The following SKP1 variants were observed in gnomAD, a reference collection of about 807,000 sequenced individuals.
The protein encoded by SKP1 is S-phase kinase associated protein 1, also known as S-phase kinase-associated protein 1.
SKP1 carries 1 observed loss-of-function variant against 21.5 expected under a neutral mutation model. The observed-to-expected ratio is 0.05, with a 90% CI of 0.02 to 0.22. The LOEUF (loss-of-function observed/expected upper bound fraction) is 0.22, where lower values mean the gene tolerates loss of function less well. Among genes scored for constraint, SKP1 ranks in the 10% least tolerant of loss-of-function variants. SKP1 has a pLI of 1.00. For missense variants in SKP1, 70 were observed against 192.0 expected (o/e 0.36, Z 3.76); for synonymous variants, 59 against 59.3 (o/e 0.99, Z 0.03).
Position 134,169,732 on chromosome 5 carries a change from C to T in SKP1, c.98-2489G>A, listed in dbSNP as rs540359921. 1.2e-3 allele frequency among the ~76,000 whole-genome samples: 178 copies of T among 151,854 alleles called. 1 individual carries two copies. The highest frequency in any genetic ancestry group is 4.1e-3 in the African/African-American group (169 of 41,432). ...ATACAAAAAAATTGGCCAGGCATGG[C>T]GGCTCACGCCTGTAATCCCAGCACT... On this transcript the variant is annotated intron_variant, in intron 2 of 5. Coordinates refer to ENST00000353411, the MANE Select transcript of SKP1 (RefSeq NM_170679.3).
At position 134,154,074 on chromosome 5, in the gene SKP1, G is replaced by A. The variant is rs1761083858; in HGVS notation, c.*3659C>T. On this transcript the variant is annotated 3_prime_UTR_variant, in exon 6 of 6. Transcript: ENST00000353411. ...GAGAAAATATAAGAACTGTAAAGCAGTATCTATTTTGTATACCAAGAATAG... is the reference window on the plus strand; with the variant it reads ...GAGAAAATATAAGAACTGTAAAGCAATATCTATTTTGTATACCAAGAATAG... 2.0e-5 allele frequency: 3 copies of A among 152,202 alleles called. No homozygotes were observed. Among genetic ancestry groups the A allele is most frequent in the Non-Finnish European group, 2.9e-5 (2 of 68,046 alleles). 9.4% of individuals were successfully genotyped at this position (152,202 alleles called of 1,614,324 possible). A position where few individuals can be genotyped will look rare whatever the true frequency, so the allele number is the denominator to read the frequency against.
intron 3 of SKP1, 51 bp from the exon 4 acceptor site, chr5:134,161,181 ATTCCAC>A: frequency 1.3e-6 from 2 of 1,495,788 alleles, no homozygotes; most frequent in Admixed American, 4.0e-5. Context: ...CAAGGTACTC[ATTCCAC>A]TGCTGGGACA....
chr5:134,154,439 C>A lies in SKP1; in HGVS notation c.*3294G>T. 9.1e-6 allele frequency: 1 copy of A among 109,560 alleles called. No individual in the cohort carries two copies. 6.8% of individuals were successfully genotyped at this position (109,560 alleles called of 1,614,324 possible). On this transcript the variant is annotated 3_prime_UTR_variant, in exon 6 of 6. Transcript: ENST00000353411. ...TTCCAGTCTGGGCGACAGAGTGAGA[C>A]TCTGTCTCAAAAAAAAAAAAAAAAA...
At position 134,152,391 on chromosome 5, in the gene SKP1, G is replaced by C. The variant is rs1483746116; in HGVS notation, c.*5342C>G. 6.6e-6 allele frequency: 1 copy of C among 152,160 alleles called. No individual in the cohort carries two copies. Among genetic ancestry groups the C allele is most frequent in the Non-Finnish European group, 1.5e-5 (1 of 68,052 alleles). 9.4% of individuals were successfully genotyped at this position (152,160 alleles called of 1,614,324 possible). A position where few individuals can be genotyped will look rare whatever the true frequency, so the allele number is the denominator to read the frequency against. On this transcript the variant is annotated 3_prime_UTR_variant, in exon 6 of 6. Transcript: ENST00000353411. ...AACCTTCTGCTGTTAGTTCCTGACT[G>C]TGCACTGCTTTTTCCTCACTTTGGC... is the stretch of plus-strand genomic sequence containing the variant.
chr5:134,158,384 T>C (rs1761157374), intron 5 of SKP1, 71 bp downstream of exon 5: 5 of 1,612,168 alleles, frequency 3.1e-6, no homozygotes, highest in Middle Eastern at 1.7e-4. Flanking sequence ...TCACCTCTTT[T>C]GCTGGCATGT....
chr5:134,167,540 T>C (rs1048502823), intron 2 of SKP1, among the ~76,000 whole-genome samples: 14 of 152,012 alleles, frequency 9.2e-5, no homozygotes, highest in African/African-American at 2.9e-4. Context: ...TTTTTTTTTT[T>C]GAGACAGATT....
rs1254230528 is a variant in SKP1 at position 134,153,762 on chromosome 5, G to C, written c.*3971C>G. 6.6e-6 allele frequency: 1 copy of C among 152,128 alleles called. No homozygotes were observed. The highest frequency in any genetic ancestry group is 1.5e-5 in the Non-Finnish European group (1 of 68,018). The allele number at this position is 152,128 out of a possible 1,614,324, so 9.4% of individuals were successfully genotyped here. ...GGATCAGAACACAGCCCATAGGATT[G>C]GTCAATTTTTACGTAAACTGAAAAA... On this transcript the variant is annotated 3_prime_UTR_variant, in exon 6 of 6. Transcript: ENST00000353411.
intron 2 of SKP1, among the ~76,000 whole-genome samples, chr5:134,169,867 G>A (rs913002402): frequency 6.6e-6 from 1 of 152,210 alleles, no homozygotes; most frequent in African/African-American, 2.4e-5. Context: ...CGGGTGTGGT[G>A]GCGCATGCCT....
chr5:134,167,363 T>A, intron 2 of SKP1, 120 bp from the exon 3 acceptor site: 1 of 673,420 alleles, frequency 1.5e-6, no homozygotes, highest in Non-Finnish European at 2.7e-6. Context: ...ATCTGTGGAT[T>A]CAACCAACCA....
chr5:134,167,093 G>A, intron 3 of SKP1, 77 bp downstream of exon 3: 2 of 721,252 alleles, frequency 2.8e-6, no homozygotes, highest in Non-Finnish European at 2.4e-6. Flanking sequence ...TTCTAACATA[G>A]ATTGTTGAAT....
chr5:134,176,677 G>A (rs62379397), intron 1 of SKP1, 178 bp downstream of exon 1: 1,558 of 152,560 alleles, frequency 0.01, 16 homozygotes, highest in Non-Finnish European at 0.014. Flanking sequence ...CGGGGCAGGT[G>A]AACGGAACCT....
At chr5:134,163,818 C>T (rs192921498) in intron 3 of SKP1, among the ~76,000 whole-genome samples, 1 of 151,968 alleles carries the variant, frequency 6.6e-6, no homozygotes, top group African/African-American at 2.4e-5. Context: ...AACAAAAAAA[C>T]CCCAAAAACC....
At chr5:134,171,223 G>C (rs1402242331) in intron 2 of SKP1, among the ~76,000 whole-genome samples, 1 of 152,152 alleles carries the variant, frequency 6.6e-6, no homozygotes, top group Non-Finnish European at 1.5e-5. Flanking sequence ...TTCAGCTTCT[G>C]CCTCTACCAC....
intron 1 of SKP1, among the ~76,000 whole-genome samples, chr5:134,174,224 TAAC>T (rs1354776890): frequency 2.0e-5 from 3 of 152,202 alleles, no homozygotes; most frequent in Non-Finnish European, 4.4e-5. Context: ...TTTCAAAGTA[TAAC>T]TACTAGGAAC....
In SKP1 at chr5:134,161,338, GCAGA is replaced by G. The variant is rs1761214911; in HGVS notation, c.172-212_172-209del. 13 of 469,260 alleles carry G rather than the reference GCAGA, an allele frequency of 2.8e-5. No homozygotes were observed. In the South Asian group the frequency reaches 5.0e-4, roughly 18 times the overall value. 29.1% of individuals were successfully genotyped at this position (469,260 alleles called of 1,614,324 possible). A position where few individuals can be genotyped will look rare whatever the true frequency, so the allele number is the denominator to read the frequency against. ...ATCTTATTAGATAAAAGCAAGCCATGCAGACAGAGTACTGTACTTGACTACATTA... is the reference window on the plus strand; with the variant it reads ...ATCTTATTAGATAAAAGCAAGCCATGCAGAGTACTGTACTTGACTACATTA... On this transcript the variant is annotated intron_variant, in intron 3 of 5. Coordinates refer to ENST00000353411, the MANE Select transcript of SKP1 (RefSeq NM_170679.3).
chr5:134,153,562 A>T lies in SKP1; in HGVS notation c.*4171T>A, dbSNP rs770006195. On this transcript the variant is annotated 3_prime_UTR_variant, in exon 6 of 6. Coordinates refer to ENST00000353411, the MANE Select transcript of SKP1 (RefSeq NM_170679.3). ...TAGTCCTGCTCTGCAAGGAGCAGTT[A>T]AAAAAAATCTTCAAAAGCTAATGGT... is the stretch of plus-strand genomic sequence containing the variant. 6.6e-6 allele frequency: 1 copy of T among 151,974 alleles called. No homozygotes were observed. The highest frequency in any genetic ancestry group is 2.4e-5 in the African/African-American group (1 of 41,334). 9.4% of individuals were successfully genotyped at this position (151,974 alleles called of 1,614,324 possible). A position where few individuals can be genotyped will look rare whatever the true frequency, so the allele number is the denominator to read the frequency against.
rs150955137 is a variant in SKP1 at position 134,162,466 on chromosome 5, C to T, written c.172-1336G>A. 3.9e-3 allele frequency among the ~76,000 whole-genome samples: 595 copies of T among 152,250 alleles called. 7 individuals carry two copies. The highest frequency in any genetic ancestry group is 0.013 in the African/African-American group (551 of 41,534). On this transcript the variant is annotated intron_variant, in intron 3 of 5. Coordinates refer to ENST00000353411, the MANE Select transcript of SKP1 (RefSeq NM_170679.3). ...TGTTGCCCAGGCTGGAGTGCAATGG[C>T]GCTATCTTGGCTCACTGCAACCTCC...
chr5:134,158,314 G>C, intron 5 of SKP1, 141 bp downstream of exon 5: 2 of 1,544,458 alleles, frequency 1.3e-6, no homozygotes, highest in Non-Finnish European at 1.7e-6. Context: ...AACAGTAAGA[G>C]TATGTTTAAG....
At position 134,151,599 on chromosome 5, in the gene SKP1, T is replaced by A. The variant is rs908631708; in HGVS notation, c.*6134A>T. 1 of 449,944 alleles carries A rather than the reference T, an allele frequency of 2.2e-6. No individual in the cohort carries two copies. The highest frequency in any genetic ancestry group is 4.5e-6 in the Non-Finnish European group (1 of 223,390). The allele number at this position is 449,944 out of a possible 1,614,324, so 27.9% of individuals were successfully genotyped here. A position where few individuals can be genotyped will look rare whatever the true frequency, so the allele number is the denominator to read the frequency against. ...CAATAAGAGGCTGCTATATAGCAGG[T>A]TGAAAATTTGAAGTTAAGAGATATC... On this transcript the variant is annotated 3_prime_UTR_variant, in exon 6 of 6. Coordinates refer to ENST00000353411, the MANE Select transcript of SKP1 (RefSeq NM_170679.3).
Sources: allele counts gnomAD v4.1 joint callset (sites outside exome capture counted in the v4.1 genomes callset), GRCh38; gene constraint gnomAD v4.1.1; transcripts MANE v1.5; gene names NCBI Gene and HGNC (gene_info 2026-07-23, HGNC 2026-07-21).